Variants in SLC12A7 observed in about 807,000 individuals in gnomAD.
The protein encoded by SLC12A7 is solute carrier family 12 member 7.
In SLC12A7, 100 loss-of-function variants were observed where a neutral mutation model predicts 120.6. The observed-to-expected ratio is 0.83, with a 90% CI of 0.71 to 0.98. The LOEUF (loss-of-function observed/expected upper bound fraction) is 0.98. SLC12A7 is among the 50% of genes least tolerant of loss of function. SLC12A7 has a pLI of 0.00. For synonymous variants in SLC12A7, 760 were observed against 678.0 expected (o/e 1.12, Z -1.88); for missense variants, 1,373 against 1,548.1 (o/e 0.89, Z 1.90).
At chr5:1,086,554 CA>C (rs965784756) in intron 6 of SLC12A7, among the ~76,000 whole-genome samples, 7 of 152,202 alleles carry the variant, frequency 4.6e-5, no homozygotes, top group Non-Finnish European at 1.0e-4. Context: ...GGGATCCTGG[CA>C]AAAGGTTCTT....
Position 1,057,957 on chromosome 5 carries a change from CG to C in SLC12A7, c.2848-309del, listed in dbSNP as rs1489590154. Among the ~76,000 whole-genome samples the C allele has an allele frequency of 3.9e-5, 6 of 152,356 alleles. No individual in the cohort carries two copies. The East Asian group carries it at 9.6e-4, about 24-fold the overall frequency. On this transcript the variant is annotated intron_variant, in intron 21 of 23. Transcript: ENST00000264930. ...CTGGCAGAGTCTCCCCCTCACCTGACGGGGCTCCACACACGTGTTCACCCCA... is the reference window on the plus strand; with the variant it reads ...CTGGCAGAGTCTCCCCCTCACCTGACGGGCTCCACACACGTGTTCACCCCA...
chr5:1,079,095 C>A lies in SLC12A7; in HGVS notation c.1396+303G>T, dbSNP rs55721274. ...AAGAGGCAGCCTTGGGATTGAGAAG[C>A]CAGAGGCCCCGCGGGCCCAGCCTGC... On this transcript the variant is annotated intron_variant, in intron 10 of 23. Transcript: ENST00000264930. 1.8e-3 allele frequency among the ~76,000 whole-genome samples: 276 copies of A among 152,256 alleles called. 4 individuals are homozygous for A. Among genetic ancestry groups the A allele is most frequent in the African/African-American group, 6.4e-3 (265 of 41,562 alleles).
intron 1 of SLC12A7, among the ~76,000 whole-genome samples, chr5:1,100,467 C>T (rs1390389515): frequency 6.6e-6 from 1 of 152,236 alleles, no homozygotes; most frequent in Admixed American, 6.5e-5. Flanking sequence ...CTCCACAGCA[C>T]AGCAGGCCCC....
At position 1,075,355 on chromosome 5, in the gene SLC12A7, G is replaced by A. The variant is rs187014952; in HGVS notation, c.1967+16C>T. On this transcript the variant is annotated intron_variant, in intron 15 of 23. Transcript: ENST00000264930. ...TCCCGTGCGCCGGGTCTGTAAGGGG[G>A]GCTGACAGCGCTTACCCGCGGTACT... The A allele has an allele frequency of 4.4e-5, 71 of 1,606,074 alleles. No homozygotes were observed. In the East Asian group the frequency reaches 1.5e-3, roughly 34 times the overall value.
At chr5:1,145,688 G>A in the SLC12A7 span, among the ~76,000 whole-genome samples, 2 of 152,144 alleles carry the variant, frequency 1.3e-5, no homozygotes, top group Non-Finnish European at 2.9e-5. This position sits in a 1 kb window ranked among gnomAD's most constrained non-coding sequence, Gnocchi z 4.4. Context: ...TGGAGAGCCT[G>A]CCTAGGTGTG....
chr5:1,089,949 G>A (rs1461927134), intron 3 of SLC12A7, among the ~76,000 whole-genome samples: 3 of 152,266 alleles, frequency 2.0e-5, no homozygotes, highest in African/African-American at 7.2e-5. Context: ...CAGACCTGGA[G>A]GACGGCTGGT....
intron 1 of SLC12A7, among the ~76,000 whole-genome samples, chr5:1,101,729 C>G (rs934145041): frequency 6.6e-6 from 1 of 152,238 alleles, no homozygotes; most frequent in Non-Finnish European, 1.5e-5. Flanking sequence ...CCGCCCCACA[C>G]AGCCCTGGTC....
chr5:1,127,056 C>T, the SLC12A7 span, among the ~76,000 whole-genome samples: 3 of 152,168 alleles, frequency 2.0e-5, no homozygotes, highest in South Asian at 6.2e-4. Flanking sequence ...TGCTTTGTTG[C>T]CAGGCTGAAG....
intron 18 of SLC12A7, among the ~76,000 whole-genome samples, chr5:1,064,780 G>T (rs1184299724): frequency 2.1e-5 from 3 of 142,664 alleles, no homozygotes; most frequent in Admixed American, 7.0e-5. Flanking sequence ...GCAAGGGGAC[G>T]GTGAGGGGAC....
chr5:1,077,584 A>C (rs1198396564), intron 12 of SLC12A7, among the ~76,000 whole-genome samples: 1 of 152,146 alleles, frequency 6.6e-6, no homozygotes, highest in African/African-American at 2.4e-5. Context: ...GTGGGCCCTC[A>C]CAGCCGCTCC....
chr5:1,089,234 C>A, intron 3 of SLC12A7, 106 bp from the exon 4 acceptor site: 1 of 1,168,482 alleles, frequency 8.6e-7, no homozygotes, highest in Non-Finnish European at 1.2e-6. Flanking sequence ...GCCGTGGGGG[C>A]AGGAGGGGGC....
chr5:1,052,800 A>G (rs1381525741), intron 23 of SLC12A7, among the ~76,000 whole-genome samples: 1 of 152,226 alleles, frequency 6.6e-6, no homozygotes, highest in African/African-American at 2.4e-5. Flanking sequence ...GATTCCGATC[A>G]GGACGCATGG....
At chr5:1,084,356 C>G (rs2150857860) in intron 7 of SLC12A7, among the ~76,000 whole-genome samples, 1 of 152,310 alleles carries the variant, frequency 6.6e-6, no homozygotes. Flanking sequence ...ACCCAGCAAC[C>G]TCCCCCCGCG....
chr5:1,132,175 G>A, the SLC12A7 span, among the ~76,000 whole-genome samples: 3 of 152,158 alleles, frequency 2.0e-5, no homozygotes, highest in East Asian at 3.9e-4. Context: ...CTCATTACAC[G>A]CTAATTCGAA....
intron 1 of SLC12A7, among the ~76,000 whole-genome samples, chr5:1,096,846 GA>G (rs1168206268): frequency 7.5e-5 from 7 of 93,494 alleles, no homozygotes; most frequent in African/African-American, 1.6e-4. Context: ...GGGAGGGAGG[GA>G]AGGAGGGAGG....
At chr5:1,077,696 G>T (rs530424492) in intron 12 of SLC12A7, 137 bp downstream of exon 12, 1 of 907,200 alleles carries the variant, frequency 1.1e-6, no homozygotes, top group Non-Finnish European at 1.6e-6. Flanking sequence ...CTGTGCAGTG[G>T]CCAGGGGCAG....
chr5:1,093,962 C>T (rs1017415846), intron 2 of SLC12A7, among the ~76,000 whole-genome samples, 192 bp downstream of exon 2: 1 of 152,054 alleles, frequency 6.6e-6, no homozygotes, highest in Admixed American at 6.5e-5. Flanking sequence ...AGGCACCAGC[C>T]GAGGAGCACG....
At position 1,083,782 on chromosome 5, in the gene SLC12A7, G is replaced by T; in HGVS notation, c.1092C>A (p.Ile364=). ...CACTGGCCGCGCCCGGGATGCCCTG[G>T]ATTTCGGTGACGTTGTTCTGGATGA... The part of the protein sequence containing the change: ...EYFIQNNVTE[I]QGIPGAASGV... The change falls in exon 8 of 24, where the codon ATC becomes ATA. Residue 364 remains isoleucine, a synonymous_variant. Transcript: ENST00000264930. 6.2e-7 allele frequency: 1 copy of T among 1,612,698 alleles called. No individual in the cohort carries two copies. Among genetic ancestry groups the T allele is most frequent in the African/African-American group, 1.3e-5 (1 of 75,058 alleles).
At chr5:1,132,820 G>C in the SLC12A7 span, among the ~76,000 whole-genome samples, 1 of 152,236 alleles carries the variant, frequency 6.6e-6, no homozygotes, top group African/African-American at 2.4e-5. Flanking sequence ...GACCTGGTAG[G>C]GCTGCCGGAT....
Sources: gnomAD v4.1 joint callset for allele counts (sites outside exome capture counted in the v4.1 genomes callset) on GRCh38, gnomAD v4.1.1 for gene constraint, Gnocchi (gnomAD v3.1) non-coding constraint, MANE v1.5 for transcripts, NCBI Gene and HGNC (gene_info 2026-07-23, HGNC 2026-07-21) for gene names.